Variants in VSIG1 observed in about 807,000 individuals in gnomAD.
VSIG1 encodes V-set and immunoglobulin domain containing 1.
In VSIG1, 11 loss-of-function variants were observed where a neutral mutation model predicts 20.1. The ratio of observed to expected loss-of-function variants is 0.55; its 90% CI spans 0.34 to 0.91. VSIG1 has a LOEUF of 0.91. VSIG1 is among the 40% of genes least tolerant of loss of function. The pLI is 0.02. For synonymous variants in VSIG1, 126 were observed against 116.7 expected (o/e 1.08, Z -0.52); for missense variants, 283 against 298.8 (o/e 0.95, Z 0.39).
At chrX:108,055,627 T>TTCAA (rs1264410907) in intron 1 of VSIG1, among the ~76,000 whole-genome samples, 41 of 111,991 alleles carry the variant, frequency 3.7e-4, no homozygotes, top group African/African-American at 1.2e-3. Context: ...CAAATGGGAT[T>TTCAA]TATTTCAGGT....
At chrX:108,024,766 C>T in the VSIG1 span, among the ~76,000 whole-genome samples, 1 of 110,760 alleles carries the variant, frequency 9.0e-6, no homozygotes, top group Non-Finnish European at 1.9e-5. Flanking sequence ...TCCAAATTTC[C>T]TCTTGTTACT....
the VSIG1 span, among the ~76,000 whole-genome samples, chrX:108,028,254 C>T: frequency 9.0e-6 from 1 of 111,344 alleles, no homozygotes; most frequent in Non-Finnish European, 1.9e-5. Flanking sequence ...AATTTGCCTC[C>T]CTAGGATATA....
At chrX:108,062,790 C>T (rs1272104264) in intron 2 of VSIG1, among the ~76,000 whole-genome samples, 1 of 111,727 alleles carries the variant, frequency 9.0e-6, no homozygotes, top group Non-Finnish European at 1.9e-5. Context: ...ATGGCTAGCC[C>T]CTCTATCAGC....
chrX:108,068,788 GTGATGTGCTATAAA>G (rs2031183265), intron 3 of VSIG1, among the ~76,000 whole-genome samples: 1 of 111,829 alleles, frequency 8.9e-6, no homozygotes, highest in Non-Finnish European at 1.9e-5. Context: ...TGGGAACTAA[GTGATGTGCTATAAA>G]TGCCAAAGCA....
intron 1 of VSIG1, among the ~76,000 whole-genome samples, chrX:108,047,897 TATATATACAC>T (rs2030652933): frequency 2.7e-4 from 13 of 47,616 alleles, no homozygotes; most frequent in African/African-American, 1.5e-3. Context: ...CACACATATA[TATATATACAC>T]ATATATATAT....
In VSIG1 at chrX:108,067,086, C is replaced by T; in HGVS notation, c.364C>T (p.Pro122Ser). The T allele has an allele frequency of 4.1e-6, 5 of 1,211,473 alleles. No homozygotes were observed. Among genetic ancestry groups the T allele is most frequent in the Non-Finnish European group, 5.6e-6 (5 of 895,361 alleles). The change falls in exon 3 of 7, where the codon CCA becomes TCA. Residue 122 changes from proline to serine, a missense_variant. Transcript: ENST00000217957. Reference protein sequence around the residue: ...GIYICDVNNPPDFLGQNQGIL... With the variant: ...GIYICDVNNPSDFLGQNQGIL... Reference sequence around the variant, plus strand: ...TTACATCTGCGATGTTAACAACCCCCCAGACTTTCTCGGCCAAAACCAAGG... The same window carrying T: ...TTACATCTGCGATGTTAACAACCCCTCAGACTTTCTCGGCCAAAACCAAGG...
intron 1 of VSIG1, 102 bp downstream of exon 1, chrX:108,045,281 C>A: frequency 1.5e-6 from 1 of 647,398 alleles, no homozygotes; most frequent in Non-Finnish European, 2.2e-6. Context: ...TCCTGTACTT[C>A]AAATGAATTG....
At chrX:108,072,251 T>C (rs1022700462) in intron 3 of VSIG1, among the ~76,000 whole-genome samples, 1 of 110,114 alleles carries the variant, frequency 9.1e-6, no homozygotes, top group Admixed American at 9.7e-5. Flanking sequence ...TACATTTTAA[T>C]AATTTTTTTT....
intron 2 of VSIG1, chrX:108,064,574 T>G (rs2031090576): frequency 5.9e-6 from 1 of 169,191 alleles, no homozygotes; most frequent in African/African-American, 3.1e-5. Context: ...CCTCAAGATC[T>G]CTGCAGAAAT....
intron 2 of VSIG1, among the ~76,000 whole-genome samples, chrX:108,061,921 C>T (rs2031036532): frequency 9.1e-6 from 1 of 110,381 alleles, no homozygotes; most frequent in African/African-American, 3.3e-5. Context: ...TGAAGTATCC[C>T]ACAGGTCTTC....
chrX:108,072,531 G>A, intron 3 of VSIG1, 146 bp from the exon 4 acceptor site: 1 of 555,590 alleles, frequency 1.8e-6, no homozygotes, highest in Non-Finnish European at 2.8e-6. Context: ...GGGATTACAG[G>A]CATGAGCCAC....
chrX:108,057,887 A>G (rs1444677614), intron 1 of VSIG1, 151 bp from the exon 2 acceptor site: 1 of 499,619 alleles, frequency 2.0e-6, no homozygotes, highest in Non-Finnish European at 3.1e-6. Flanking sequence ...GTGAGCCCCA[A>G]GAAAACTCAA....
chrX:108,044,079 C>A (rs2030521197), upstream of VSIG1, among the ~76,000 whole-genome samples: 1 of 111,456 alleles, frequency 9.0e-6, no homozygotes, highest in African/African-American at 3.3e-5. Flanking sequence ...GTCAGGGAGA[C>A]CACTTAGGAA....
At chrX:108,065,514 A>G (rs1487995289) in intron 2 of VSIG1, among the ~76,000 whole-genome samples, 1 of 111,923 alleles carries the variant, frequency 8.9e-6, no homozygotes, top group Non-Finnish European at 1.9e-5. Context: ...TGAAACCAAC[A>G]AAACATGTAC....
At chrX:108,067,978 G>T (rs752528498) in intron 3 of VSIG1, among the ~76,000 whole-genome samples, 50 of 112,543 alleles carry the variant, frequency 4.4e-4, no homozygotes, top group African/African-American at 1.5e-3. Flanking sequence ...AAATGAAGCT[G>T]ATCTAGTCAT....
At chrX:108,071,155 A>G (rs951139079) in intron 3 of VSIG1, among the ~76,000 whole-genome samples, 2 of 110,989 alleles carry the variant, frequency 1.8e-5, no homozygotes, top group Non-Finnish European at 3.8e-5. Context: ...GTGGATCCAG[A>G]GCTGTGCCCT....
the VSIG1 span, among the ~76,000 whole-genome samples, chrX:108,034,475 T>C: frequency 1.8e-5 from 2 of 111,996 alleles, no homozygotes; most frequent in East Asian, 5.6e-4. Flanking sequence ...TCGTCAATTG[T>C]TGCCATGGTG....
At chrX:108,044,194 T>C (rs1462703908), upstream of VSIG1, among the ~76,000 whole-genome samples, 2 of 111,266 alleles carry the variant, frequency 1.8e-5, no homozygotes. Context: ...ATGGAAATGA[T>C]AGGACTTAGA....
At chrX:108,035,813 C>G in the VSIG1 span, among the ~76,000 whole-genome samples, 1 of 109,402 alleles carries the variant, frequency 9.1e-6, no homozygotes, top group Admixed American at 9.9e-5. Context: ...ACTATGTATT[C>G]TGTTGTCCCT....
Sources: allele counts gnomAD v4.1 joint callset (sites outside exome capture counted in the v4.1 genomes callset), GRCh38; gene constraint gnomAD v4.1.1; transcripts MANE v1.5; gene names NCBI Gene and HGNC (gene_info 2026-07-23, HGNC 2026-07-21).